The following AGTPBP1 variants were observed in gnomAD, a reference collection of about 807,000 sequenced individuals.
The protein encoded by AGTPBP1 is ATP/GTP binding carboxypeptidase 1.
AGTPBP1 carries 70 observed loss-of-function variants against 143.9 expected under a neutral mutation model. The observed-to-expected ratio is 0.49, with a 90% CI of 0.40 to 0.59. The LOEUF is 0.59. Among genes scored for constraint, AGTPBP1 ranks in the 20% least tolerant of loss-of-function variants. AGTPBP1 has a pLI of 0.00. For synonymous variants in AGTPBP1, 463 were observed against 500.2 expected (o/e 0.93, Z 0.99); for missense variants, 1,229 against 1,464.5 (o/e 0.84, Z 2.62).
intron 25 of AGTPBP1, among the ~76,000 whole-genome samples, chr9:85,566,161 G>C (rs545120213): frequency 3.7e-4 from 57 of 152,328 alleles, no homozygotes; most frequent in South Asian, 2.1e-4. Flanking sequence ...AAAGGGCACA[G>C]ATATAGTCTC....
intron 8 of AGTPBP1, among the ~76,000 whole-genome samples, chr9:85,667,243 C>A (rs62569192): frequency 0.017 from 2,548 of 152,082 alleles, 25 homozygotes; most frequent in Middle Eastern, 0.054. Flanking sequence ...GTCATCCCAC[C>A]AAATAATATT....
At position 85,729,022 on chromosome 9, in the gene AGTPBP1, C is replaced by T. The variant is rs1358581575; in HGVS notation, c.-34+12753G>A. ...CTTTCACACCAACCTAAATAAATAA[C>T]ATTAATTAAAATCAGCTAGTAGTAG... is the stretch of plus-strand genomic sequence containing the variant. On this transcript the variant is annotated intron_variant, in intron 1 of 25. Coordinates refer to ENST00000357081, the MANE Select transcript of AGTPBP1 (RefSeq NM_001330701.2). 2.6e-5 allele frequency among the ~76,000 whole-genome samples: 4 copies of T among 152,198 alleles called. No individual in the cohort carries two copies. The South Asian group carries it at 8.3e-4, about 32-fold the overall frequency.
chr9:85,656,261 A>G (rs761020038), intron 10 of AGTPBP1, among the ~76,000 whole-genome samples: 2 of 152,234 alleles, frequency 1.3e-5, no homozygotes, highest in African/African-American at 4.8e-5. Flanking sequence ...TGGTACTATG[A>G]TACACTGTAA....
chr9:85,650,592 T>A (rs1032064831), intron 11 of AGTPBP1, among the ~76,000 whole-genome samples: 2 of 152,088 alleles, frequency 1.3e-5, no homozygotes, highest in Admixed American at 6.6e-5. Context: ...TTTGGAGGAG[T>A]CAAAAGTTCT....
chr9:85,560,070 C>T (rs1233342834), intron 25 of AGTPBP1, among the ~76,000 whole-genome samples: 1 of 152,102 alleles, frequency 6.6e-6, no homozygotes, highest in East Asian at 1.9e-4. Context: ...TTGGAGACCC[C>T]CTCCAGCCCA....
At chr9:85,633,557 A>C (rs1831831443) in intron 13 of AGTPBP1, among the ~76,000 whole-genome samples, 183 bp from the exon 14 acceptor site, 1 of 152,252 alleles carries the variant, frequency 6.6e-6, no homozygotes, top group Non-Finnish European at 1.5e-5. Flanking sequence ...ATTCATAACA[A>C]CTACTTTACT....
rs11141080 is a variant in AGTPBP1, at chr9:85,735,233, G to A, written c.-34+6542C>T. Among the ~76,000 whole-genome samples the A allele has an allele frequency of 6.0e-3, 915 of 152,154 alleles. 9 individuals are homozygous for A. Among genetic ancestry groups the A allele is most frequent in the African/African-American group, 0.02 (847 of 41,510 alleles). ...TCCTGACACACGGTACAACATGAAC[G>A]AACCTTGAAGACATTGTGCTAAATG... On this transcript the variant is annotated intron_variant, in intron 1 of 25. Coordinates refer to ENST00000357081, the MANE Select transcript of AGTPBP1 (RefSeq NM_001330701.2).
chr9:85,707,610 T>C (rs1222080112), intron 2 of AGTPBP1, among the ~76,000 whole-genome samples: 3 of 152,200 alleles, frequency 2.0e-5, no homozygotes, highest in African/African-American at 4.8e-5. Context: ...TGCCTATAAA[T>C]TGGACAACAT....
intron 14 of AGTPBP1, 128 bp downstream of exon 14, chr9:85,632,534 A>T (rs1473893377): frequency 1.2e-6 from 1 of 846,154 alleles, no homozygotes; most frequent in Non-Finnish European, 1.7e-6. Context: ...TCCAAAGCAG[A>T]ATTTAAAAAT....
rs1564027039 is a variant in AGTPBP1 at position 85,579,101 on chromosome 9, TA to T, written c.3166-6del. ...GCTCAGTATCTTAGGCAATGTCTGTTAAAAACAAGAATGATGATGATAAAAT... is the reference window on the plus strand; with the variant it reads ...GCTCAGTATCTTAGGCAATGTCTGTTAAAACAAGAATGATGATGATAAAAT... On this transcript the variant is annotated splice_polypyrimidine_tract_variant and splice_region_variant and intron_variant, in intron 23 of 25. Coordinates refer to ENST00000357081, the MANE Select transcript of AGTPBP1 (RefSeq NM_001330701.2). 2 of 1,583,610 alleles carry T rather than the reference TA, an allele frequency of 1.3e-6. No individual in the cohort carries two copies. The highest frequency in any genetic ancestry group is 1.7e-6 in the Non-Finnish European group (2 of 1,171,946).
rs997349788 is a variant in AGTPBP1 at position 85,546,998 on chromosome 9, T to C, written c.*111A>G. ...GAAACCAAACTGGCCCAAGTTACTT[T>C]TTGTCTTTTTGAGTCAGCTCTGTAT... On this transcript the variant is annotated 3_prime_UTR_variant, in exon 26 of 26. Transcript: ENST00000357081. 3 of 1,121,026 alleles carry C rather than the reference T, an allele frequency of 2.7e-6. No individual in the cohort carries two copies. The African/African-American group carries it at 4.8e-5, about 18-fold the overall frequency. The allele number at this position is 1,121,026 out of a possible 1,614,324, so 69.4% of individuals were successfully genotyped here.
chr9:85,598,260 T>C (rs1829425279), intron 17 of AGTPBP1, among the ~76,000 whole-genome samples: 1 of 152,170 alleles, frequency 6.6e-6, no homozygotes, highest in Non-Finnish European at 1.5e-5. Flanking sequence ...TTTTAAAGTG[T>C]ATTTCCAGGA....
At position 85,589,697 on chromosome 9, in the gene AGTPBP1, A is replaced by C. The variant is rs752291925; in HGVS notation, c.2569-16T>G. ...GAAGATGCATCTTGATAAAAATTTT[A>C]AAACAAAATATACAATCACTTAAAA... On this transcript the variant is annotated splice_polypyrimidine_tract_variant and intron_variant, in intron 19 of 25. Transcript: ENST00000357081. The C allele has an allele frequency of 4.4e-6, 7 of 1,598,272 alleles. No individual in the cohort carries two copies. Among genetic ancestry groups the C allele is most frequent in the Non-Finnish European group, 6.0e-6 (7 of 1,173,028 alleles).
chr9:85,573,248 C>A (rs1427390439), intron 25 of AGTPBP1, among the ~76,000 whole-genome samples: 6 of 151,908 alleles, frequency 3.9e-5, no homozygotes, highest in Non-Finnish European at 7.4e-5. Context: ...CCATTGCAGG[C>A]ACGCGCCACC....
At chr9:85,637,043 T>G (rs918897043) in intron 13 of AGTPBP1, among the ~76,000 whole-genome samples, 1 of 150,548 alleles carries the variant, frequency 6.6e-6, no homozygotes, top group South Asian at 2.1e-4. Flanking sequence ...CCAAAAAGTT[T>G]TTTTTTTTTT....
intron 1 of AGTPBP1, among the ~76,000 whole-genome samples, chr9:85,738,400 T>C (rs1340164709): frequency 6.6e-6 from 1 of 152,110 alleles, no homozygotes. Flanking sequence ...GATTTCACAC[T>C]ATATAATATC....
chr9:85,595,950 A>C (rs1829277442), intron 18 of AGTPBP1, among the ~76,000 whole-genome samples: 1 of 152,256 alleles, frequency 6.6e-6, no homozygotes, highest in African/African-American at 2.4e-5. Context: ...ATTAAAATGA[A>C]GTAAATATTT....
the AGTPBP1 span, among the ~76,000 whole-genome samples, chr9:85,772,237 G>A: frequency 4.0e-3 from 614 of 152,244 alleles, 10 homozygotes; most frequent in Admixed American, 0.032. Flanking sequence ...GCCTCCCAAA[G>A]TGCTGGGATT....
At chr9:85,637,566 T>C (rs1049648754) in intron 13 of AGTPBP1, among the ~76,000 whole-genome samples, 1 of 152,072 alleles carries the variant, frequency 6.6e-6, no homozygotes, top group Non-Finnish European at 1.5e-5. Flanking sequence ...AAAAAGTAAA[T>C]GCTGTATGAT....
Sources: allele counts gnomAD v4.1 joint callset (sites outside exome capture counted in the v4.1 genomes callset), GRCh38; gene constraint gnomAD v4.1.1; transcripts MANE v1.5; gene names NCBI Gene and HGNC (gene_info 2026-07-23, HGNC 2026-07-21).